CSMD1: variants seen among roughly 807,000 people sequenced by gnomAD.
The protein encoded by CSMD1 is CUB and sushi domain-containing protein 1.
Under a neutral mutation model 417.5 loss-of-function variants are expected in CSMD1, and 213 were observed. That is an observed-to-expected ratio of 0.51 (90% confidence interval 0.46 to 0.57). The LOEUF (loss-of-function observed/expected upper bound fraction) is 0.57. Ranked by LOEUF, CSMD1 falls within the 20% of genes least tolerant of loss-of-function variation. CSMD1 has a pLI of 0.00. For missense variants in CSMD1, 6,923 were observed against 4,529.7 expected (o/e 1.53, Z -15.17); for synonymous variants, 2,862 against 1,736.8 (o/e 1.65, Z -16.11).
At chr8:4,297,656 G>C (rs554423781) in intron 3 of CSMD1, among the ~76,000 whole-genome samples, 5 of 152,122 alleles carry the variant, frequency 3.3e-5, no homozygotes, top group Non-Finnish European at 7.4e-5. Context: ...CTAGGGTTTG[G>C]ATTTTGACTA....
chr8:3,236,768 G>A (rs1334023209), intron 26 of CSMD1, among the ~76,000 whole-genome samples: 1 of 152,066 alleles, frequency 6.6e-6, no homozygotes, highest in Non-Finnish European at 1.5e-5. Context: ...ATTTTTTGCT[G>A]ACTCTGAAGG....
chr8:3,295,338 G>A (rs1803887386), intron 25 of CSMD1, among the ~76,000 whole-genome samples: 1 of 151,952 alleles, frequency 6.6e-6, no homozygotes. Context: ...GTGTTAGCCA[G>A]GAAGGTCTCG....
At chr8:4,030,807 G>C (rs912690282) in intron 4 of CSMD1, among the ~76,000 whole-genome samples, 1 of 152,070 alleles carries the variant, frequency 6.6e-6, no homozygotes, top group African/African-American at 2.4e-5. Context: ...AAAACTGAAA[G>C]CTTTACAGCA....
At chr8:3,869,946 G>A (rs574948632) in intron 5 of CSMD1, among the ~76,000 whole-genome samples, 1 of 151,912 alleles carries the variant, frequency 6.6e-6, no homozygotes, top group Admixed American at 6.5e-5. Flanking sequence ...GAGTGAGCTA[G>A]CTATATGTCA....
At chr8:3,872,006 G>T (rs1805512469) in intron 5 of CSMD1, among the ~76,000 whole-genome samples, 2 of 152,178 alleles carry the variant, frequency 1.3e-5, no homozygotes, top group South Asian at 4.1e-4. Context: ...GCAATGGTGT[G>T]CAGTGAGTAT....
chr8:4,224,533 G>A (rs1269974336), intron 3 of CSMD1, among the ~76,000 whole-genome samples: 1 of 152,052 alleles, frequency 6.6e-6, no homozygotes, highest in Non-Finnish European at 1.5e-5. Flanking sequence ...TAAGTTACCC[G>A]GCTAGGAACT....
chr8:3,182,840 A>T (rs1218200337), intron 36 of CSMD1, among the ~76,000 whole-genome samples: 1 of 45,202 alleles, frequency 2.2e-5, no homozygotes, highest in South Asian at 1.1e-3. Context: ...CTTTATAAGA[A>T]GGTGTGTGTG....
At chr8:4,644,717 A>G (rs1803409850) in intron 1 of CSMD1, among the ~76,000 whole-genome samples, 1 of 152,208 alleles carries the variant, frequency 6.6e-6, no homozygotes, top group African/African-American at 2.4e-5. Flanking sequence ...CGCCTACACT[A>G]TTGTATTCCC....
chr8:3,589,147 A>G (rs1800732754), intron 8 of CSMD1, among the ~76,000 whole-genome samples: 1 of 152,174 alleles, frequency 6.6e-6, no homozygotes, highest in African/African-American at 2.4e-5. Flanking sequence ...TAAAATATGT[A>G]AATTAGCATA....
intron 26 of CSMD1, among the ~76,000 whole-genome samples, chr8:3,245,682 C>A (rs1799834855): frequency 1.3e-5 from 2 of 152,080 alleles, no homozygotes; most frequent in African/African-American, 4.8e-5. Flanking sequence ...TAAGGATGTA[C>A]AAAGTTTATT....
chr8:3,659,736 C>T (rs1367803090), intron 7 of CSMD1, among the ~76,000 whole-genome samples: 1 of 152,090 alleles, frequency 6.6e-6, no homozygotes, highest in East Asian at 1.9e-4. Context: ...AATATTAATT[C>T]CCCCAACACC....
chr8:3,524,265 A>G (rs1346728010), intron 10 of CSMD1, among the ~76,000 whole-genome samples: 2 of 150,176 alleles, frequency 1.3e-5, no homozygotes, highest in African/African-American at 2.5e-5. Context: ...ACACACAAGC[A>G]CACACACACG....
intron 7 of CSMD1, among the ~76,000 whole-genome samples, chr8:3,622,366 T>G (rs945144722): frequency 1.3e-5 from 2 of 152,238 alleles, no homozygotes; most frequent in Admixed American, 1.3e-4. Context: ...GCTTGGTAGT[T>G]AATGCACTTT....
chr8:3,615,056 T>A (rs1176223870), intron 8 of CSMD1, among the ~76,000 whole-genome samples: 1 of 152,200 alleles, frequency 6.6e-6, no homozygotes, highest in Non-Finnish European at 1.5e-5. Flanking sequence ...GAGATAAAAT[T>A]CCTGAATGAC....
intron 7 of CSMD1, among the ~76,000 whole-genome samples, chr8:3,685,645 G>C (rs1227697854): frequency 6.6e-6 from 1 of 152,152 alleles, no homozygotes; most frequent in Non-Finnish European, 1.5e-5. Context: ...ACTGTTTTTA[G>C]AGGCCTGGGG....
At chr8:3,497,124 G>A (rs905964047) in intron 10 of CSMD1, among the ~76,000 whole-genome samples, 5 of 152,146 alleles carry the variant, frequency 3.3e-5, no homozygotes, top group African/African-American at 9.7e-5. Flanking sequence ...TTATGCAGCT[G>A]TTGGATGAAA....
In CSMD1 at chr8:3,270,995, G is replaced by A. The variant is rs1025758828; in HGVS notation, c.4153+13149C>T. Among the ~76,000 whole-genome samples, 4 of 151,572 alleles carry A rather than the reference G, an allele frequency of 2.6e-5. No homozygotes were observed. In the South Asian group the frequency reaches 8.3e-4, roughly 32 times the overall value. ...CACAACGTACAGGTTAGTTACATATGTATACATGTGCCATGCTGGTGCGCT... is the reference window on the plus strand; with the variant it reads ...CACAACGTACAGGTTAGTTACATATATATACATGTGCCATGCTGGTGCGCT... On this transcript the variant is annotated intron_variant, in intron 26 of 69. Coordinates refer to ENST00000635120, the MANE Select transcript of CSMD1 (RefSeq NM_033225.6).
intron 1 of CSMD1, among the ~76,000 whole-genome samples, chr8:4,768,321 G>C (rs754107169): frequency 6.6e-6 from 1 of 151,882 alleles, no homozygotes; most frequent in Admixed American, 6.6e-5. Context: ...ACTCGCCTAT[G>C]ATCGTAACAT....
chr8:4,466,051 A>C (rs114842493), intron 2 of CSMD1, among the ~76,000 whole-genome samples: 11 of 152,244 alleles, frequency 7.2e-5, no homozygotes, highest in African/African-American at 2.7e-4. Flanking sequence ...TTACCATCCA[A>C]TGATAACACA....
Sources: allele counts gnomAD v4.1 joint callset (sites outside exome capture counted in the v4.1 genomes callset), GRCh38; gene constraint gnomAD v4.1.1; transcripts MANE v1.5; gene names NCBI Gene and HGNC (gene_info 2026-07-23, HGNC 2026-07-21).